Variants in PIK3CB observed in about 807,000 individuals in gnomAD.
PIK3CB encodes the protein phosphatidylinositol 4,5-bisphosphate 3-kinase catalytic subunit beta isoform.
In PIK3CB, 39 loss-of-function variants were observed where a neutral mutation model predicts 136.8. The observed-to-expected ratio is 0.29, with a 90% CI of 0.22 to 0.37. The LOEUF (loss-of-function observed/expected upper bound fraction) is 0.37, where lower values mean the gene tolerates loss of function less well. Ranked by LOEUF, PIK3CB falls within the 10% of genes least tolerant of loss-of-function variation. PIK3CB has a pLI of 1.00. For synonymous variants in PIK3CB, 428 were observed against 436.6 expected, an observed-to-expected ratio of 0.98 and a Z score of 0.25; for missense variants, 868 against 1,275.4, an observed-to-expected ratio of 0.68 and a Z score of 4.87.
chr3:138,822,069 T>G (rs1933582881), intron 1 of PIK3CB, among the ~76,000 whole-genome samples: 1 of 151,336 alleles, frequency 6.6e-6, no homozygotes, highest in African/African-American at 2.4e-5. Flanking sequence ...GCTCAGGAGG[T>G]CCACACTGCA....
chr3:138,717,522 ATT>A (rs754241985), intron 8 of PIK3CB, among the ~76,000 whole-genome samples: 35 of 122,618 alleles, frequency 2.9e-4, no homozygotes, highest in Non-Finnish European at 2.1e-4. Context: ...GAAAATAGAA[ATT>A]TTTTGTGGTT....
intron 1 of PIK3CB, among the ~76,000 whole-genome samples, chr3:138,807,476 T>C (rs905985578): frequency 1.2e-4 from 18 of 152,152 alleles, no homozygotes; most frequent in African/African-American, 4.1e-4. Flanking sequence ...TATTTATCCA[T>C]TACAGCACTG....
At chr3:138,706,876 G>A (rs751345303) in intron 11 of PIK3CB, among the ~76,000 whole-genome samples, 6 of 152,124 alleles carry the variant, frequency 3.9e-5, no homozygotes, top group South Asian at 2.1e-4. Context: ...GGCTGGTCTC[G>A]AACTCCCGAC....
At chr3:138,808,178 C>T (rs2046254456) in intron 1 of PIK3CB, among the ~76,000 whole-genome samples, 1 of 152,138 alleles carries the variant, frequency 6.6e-6, no homozygotes, top group Non-Finnish European at 1.5e-5. Flanking sequence ...TCCAAAATTT[C>T]ATTTTACCAT....
intron 2 of PIK3CB, among the ~76,000 whole-genome samples, chr3:138,771,372 G>A (rs1056721985): frequency 1.6e-4 from 25 of 152,002 alleles, no homozygotes; most frequent in African/African-American, 5.3e-4. Flanking sequence ...ACAGTCGCCC[G>A]CCACCGCAAC....
intron 19 of PIK3CB, among the ~76,000 whole-genome samples, chr3:138,681,226 A>T (rs2043774471): frequency 6.7e-6 from 1 of 149,880 alleles, no homozygotes; most frequent in Admixed American, 6.6e-5. Context: ...TTGTATTTTT[A>T]GAAGAGACAG....
intron 19 of PIK3CB, among the ~76,000 whole-genome samples, chr3:138,681,497 G>A (rs184705734): frequency 4.0e-4 from 60 of 151,732 alleles, no homozygotes; most frequent in South Asian, 8.3e-4. Context: ...TTTCTGTCAC[G>A]ACACCACAAA....
At chr3:138,774,661 A>G (rs1345739466) in intron 2 of PIK3CB, among the ~76,000 whole-genome samples, 1 of 152,218 alleles carries the variant, frequency 6.6e-6, no homozygotes, top group Non-Finnish European at 1.5e-5. Context: ...GTCATGAGCC[A>G]AATTGTACAA....
intron 19 of PIK3CB, among the ~76,000 whole-genome samples, chr3:138,669,429 G>C (rs977934339): frequency 6.9e-6 from 1 of 144,616 alleles, no homozygotes; most frequent in African/African-American, 2.5e-5. Flanking sequence ...AAAAAAAAGG[G>C]GGGGGGGATG....
intron 2 of PIK3CB, among the ~76,000 whole-genome samples, chr3:138,774,277 ACCT>A (rs1311360559): frequency 6.6e-6 from 1 of 151,856 alleles, no homozygotes; most frequent in African/African-American, 2.4e-5. Context: ...CCTCTCCCAA[ACCT>A]CCTACCACCA....
chr3:138,665,247 T>C, intron 19 of PIK3CB, 44 bp from the exon 20 acceptor site: 1 of 1,399,820 alleles, frequency 7.1e-7, no homozygotes. Context: ...TTCCTTAAAA[T>C]GAAACATTAA....
At chr3:138,685,395 T>C (rs1332342748) in intron 16 of PIK3CB, among the ~76,000 whole-genome samples, 3 of 4,874 alleles carry the variant, frequency 6.2e-4, no homozygotes, top group Non-Finnish European at 5.9e-4. Context: ...AGAAACTGTC[T>C]CAAAAAAAAA....
At chr3:138,724,582 G>A (rs1239868098) in intron 8 of PIK3CB, among the ~76,000 whole-genome samples, 1 of 152,150 alleles carries the variant, frequency 6.6e-6, no homozygotes, top group African/African-American at 2.4e-5. Flanking sequence ...CACGTGGTTG[G>A]TTTCTCTGGC....
At chr3:138,679,068 AAAACAAAC>A (rs370325560) in intron 19 of PIK3CB, among the ~76,000 whole-genome samples, 5 of 152,174 alleles carry the variant, frequency 3.3e-5, no homozygotes, top group Admixed American at 3.3e-4. Flanking sequence ...TCTGACTCAA[AAAACAAAC>A]AAACAAACAA....
At chr3:138,752,330 G>A (rs922903394) in intron 4 of PIK3CB, among the ~76,000 whole-genome samples, 6 of 152,158 alleles carry the variant, frequency 3.9e-5, no homozygotes, top group Non-Finnish European at 7.3e-5. Context: ...AGAGGAGGTG[G>A]CAACCTTGTT....
In PIK3CB at chr3:138,652,945, C is replaced by T. The variant is rs535410868; in HGVS notation, c.*2444G>A. ...AGTTCTCTCTGGTGATGCTGATGCTCCTCATCAGGGGACCACACTTGGAGA... is the reference window on the plus strand; with the variant it reads ...AGTTCTCTCTGGTGATGCTGATGCTTCTCATCAGGGGACCACACTTGGAGA... On this transcript the variant is annotated 3_prime_UTR_variant, in exon 24 of 24. Coordinates refer to ENST00000674063, the MANE Select transcript of PIK3CB (RefSeq NM_006219.3). 4.6e-6 allele frequency: 1 copy of T among 216,362 alleles called. No individual in the cohort carries two copies. The highest frequency in any genetic ancestry group is 1.9e-4 in the South Asian group (1 of 5,340). 13.4% of individuals were successfully genotyped at this position (216,362 alleles called of 1,614,324 possible). A position where few individuals can be genotyped will look rare whatever the true frequency, so the allele number is the denominator to read the frequency against.
intron 6 of PIK3CB, among the ~76,000 whole-genome samples, chr3:138,735,137 C>T (rs1039507023): frequency 4.0e-5 from 6 of 151,574 alleles, no homozygotes; most frequent in African/African-American, 1.2e-4. Context: ...TTTGTAGAGA[C>T]AGGGTTTTGC....
chr3:138,805,961 T>C (rs1318033858), intron 1 of PIK3CB, among the ~76,000 whole-genome samples: 2 of 151,378 alleles, frequency 1.3e-5, no homozygotes, highest in Non-Finnish European at 2.9e-5. Context: ...ATCTCCTGAC[T>C]TCGTGATCCT....
intron 2 of PIK3CB, among the ~76,000 whole-genome samples, chr3:138,787,053 T>C (rs1223249636): frequency 6.6e-6 from 1 of 152,184 alleles, no homozygotes; most frequent in Admixed American, 6.5e-5. Flanking sequence ...ATCATCTTTA[T>C]GAACATTTTT....
Sources: gnomAD v4.1 joint callset for allele counts (sites outside exome capture counted in the v4.1 genomes callset) on GRCh38, gnomAD v4.1.1 for gene constraint, MANE v1.5 for transcripts, NCBI Gene and HGNC (gene_info 2026-07-23, HGNC 2026-07-21) for gene names.